ALG9: variants seen among roughly 807,000 people sequenced by gnomAD.
ALG9 encodes ALG9 alpha-1,2-mannosyltransferase.
A neutral mutation model predicts 81.8 loss-of-function variants in ALG9; 55 were observed. The ratio of observed to expected loss-of-function variants is 0.67; its 90% CI spans 0.54 to 0.84. The LOEUF (loss-of-function observed/expected upper bound fraction) is 0.84. Among genes scored for constraint, ALG9 ranks in the 40% least tolerant of loss-of-function variants. The pLI, the probability that ALG9 is intolerant of heterozygous loss-of-function variation, is 0.00. For missense variants in ALG9, 629 were observed against 745.0 expected (o/e 0.84, Z 1.81); for synonymous variants, 278 against 274.3 (o/e 1.01, Z -0.13).
intron 9 of ALG9, among the ~76,000 whole-genome samples, chr11:111,842,945 T>A (rs1198373136): frequency 1.3e-5 from 2 of 151,580 alleles, no homozygotes; most frequent in African/African-American, 4.9e-5. Flanking sequence ...CATAAATAAT[T>A]ATTATTGTTG....
rs187505036 is a variant in ALG9, at chr11:111,816,830, G to C, written c.1603-7057C>G. The stretch of plus-strand genomic sequence containing the variant: ...CCCGCCTTGGCCTCCAAAAGTTCTG[G>C]GTTACAGGCATGAGCAACCACACCC... On this transcript the variant is annotated intron_variant, in intron 13 of 14. Coordinates refer to ENST00000616540, the MANE Select transcript of ALG9 (RefSeq NM_024740.2). Among the ~76,000 whole-genome samples, 946 of 152,230 alleles carry C rather than the reference G, an allele frequency of 6.2e-3. 4 individuals carry two copies. Among genetic ancestry groups the C allele is most frequent in the Non-Finnish European group, 0.01 (701 of 68,016 alleles).
intron 14 of ALG9, among the ~76,000 whole-genome samples, chr11:111,802,788 G>A (rs973119520): frequency 5.3e-4 from 80 of 152,142 alleles, no homozygotes; most frequent in African/African-American, 1.8e-3. Context: ...AGGCTCCAAC[G>A]GATTCTGGAT....
intron 13 of ALG9, among the ~76,000 whole-genome samples, chr11:111,821,666 C>T (rs905652667): frequency 2.0e-5 from 3 of 151,640 alleles, no homozygotes; most frequent in Non-Finnish European, 2.9e-5. Flanking sequence ...GATAGAGTCT[C>T]GCTCTGTTGC....
chr11:111,860,151 TAAAAG>T (rs2137141009), intron 5 of ALG9, among the ~76,000 whole-genome samples: 2 of 152,204 alleles, frequency 1.3e-5, no homozygotes, highest in East Asian at 3.9e-4. Flanking sequence ...TTAAACAAAA[TAAAAG>T]AATTACTTTC....
chr11:111,805,266 C>T (rs1555084014), intron 14 of ALG9: 4 of 456,242 alleles, frequency 8.8e-6, no homozygotes, highest in South Asian at 6.2e-5. Context: ...TGGCCTTTAC[C>T]AGAACTTGAC....
the ALG9 span, among the ~76,000 whole-genome samples, chr11:111,776,394 A>T: frequency 6.6e-6 from 1 of 152,118 alleles, no homozygotes; most frequent in Non-Finnish European, 1.5e-5. Context: ...GTTTGAGACC[A>T]GCCTGGCCAA....
At chr11:111,811,053 C>A (rs1555090914) in intron 13 of ALG9, among the ~76,000 whole-genome samples, 2 of 152,030 alleles carry the variant, frequency 1.3e-5, no homozygotes, top group Non-Finnish European at 2.9e-5. Context: ...TATAATGGTC[C>A]AAAAGACTCT....
intron 14 of ALG9, among the ~76,000 whole-genome samples, chr11:111,804,574 G>A (rs753983163): frequency 1.3e-5 from 2 of 152,128 alleles, no homozygotes; most frequent in Non-Finnish European, 2.9e-5. Flanking sequence ...TTGGGTGACA[G>A]AGCGAGACCC....
At chr11:111,794,376 T>C (rs1947918008) in intron 14 of ALG9, among the ~76,000 whole-genome samples, 1 of 152,196 alleles carries the variant, frequency 6.6e-6, no homozygotes, top group Non-Finnish European at 1.5e-5. Flanking sequence ...CTCGACCTCC[T>C]GGGTTCAAGT....
chr11:111,845,488 C>G (rs1555128760), intron 8 of ALG9: 1 of 152,172 alleles, frequency 6.6e-6, no homozygotes, highest in African/African-American at 2.4e-5. Flanking sequence ...AGATCATGTT[C>G]AGAGGCCCAG....
chr11:111,866,528 G>A (rs1377817472), intron 3 of ALG9, among the ~76,000 whole-genome samples: 4 of 151,984 alleles, frequency 2.6e-5, no homozygotes, highest in Admixed American at 6.6e-5. Flanking sequence ...GACTCTCTAA[G>A]CTACAATTCC....
At chr11:111,839,092 TGAA>T (rs1955797528) in intron 10 of ALG9, among the ~76,000 whole-genome samples, 1 of 152,180 alleles carries the variant, frequency 6.6e-6, no homozygotes, top group Non-Finnish European at 1.5e-5. Context: ...AATATCTAAA[TGAA>T]GATATTTATC....
rs777495761 is a variant in ALG9, at chr11:111,783,158, C to G, written c.*3239G>C. 2 of 152,122 alleles carry G rather than the reference C, an allele frequency of 1.3e-5. No individual in the cohort carries two copies. The allele number at this position is 152,122 out of a possible 1,614,324, so 9.4% of individuals were successfully genotyped here. On this transcript the variant is annotated 3_prime_UTR_variant, in exon 15 of 15. Coordinates refer to ENST00000616540, the MANE Select transcript of ALG9 (RefSeq NM_024740.2). ...CCCTCACTCACCCCATGATCAAAGG[C>G]TATTAAAAATTATCTGGGCCGGGTG...
intron 1 of ALG9, 165 bp downstream of exon 1, chr11:111,871,187 G>A: frequency 1.5e-6 from 2 of 1,300,758 alleles, no homozygotes; most frequent in Admixed American, 4.2e-5. Flanking sequence ...ACTGAATGCT[G>A]ACCCGCCCAG....
intron 6 of ALG9, among the ~76,000 whole-genome samples, chr11:111,856,303 A>C (rs1319770529): frequency 4.0e-5 from 6 of 151,118 alleles, no homozygotes; most frequent in African/African-American, 1.2e-4. Context: ...AAAAGAAAAA[A>C]AAATTGTTCA....
chr11:111,774,715 T>C, the ALG9 span, among the ~76,000 whole-genome samples: 1 of 152,378 alleles, frequency 6.6e-6, no homozygotes, highest in Non-Finnish European at 1.5e-5. Flanking sequence ...TTTTGAATTT[T>C]GAACCATGAA....
chr11:111,829,041 A>G (rs140264583), intron 13 of ALG9: 164 of 152,308 alleles, frequency 1.1e-3, no homozygotes, highest in African/African-American at 3.8e-3. Context: ...CTAAAAGCTA[A>G]AGTAACATGA....
At chr11:111,798,415 C>G (rs782734279) in intron 14 of ALG9, among the ~76,000 whole-genome samples, 15 of 152,058 alleles carry the variant, frequency 9.9e-5, no homozygotes, top group Non-Finnish European at 1.9e-4. Flanking sequence ...AGAGGCATTT[C>G]CCACCAGACT....
Position 111,844,596 on chromosome 11 carries a change from C to T in ALG9, c.1018+5G>A. ...AAAACACCTACCATCTCTTATGCCA[C>T]TCACCATGAAATCTCTGCAGCAGGT... is the stretch of plus-strand genomic sequence containing the variant. On this transcript the variant is annotated splice_donor_5th_base_variant and intron_variant, in intron 9 of 14. Coordinates refer to ENST00000616540, the MANE Select transcript of ALG9 (RefSeq NM_024740.2). 1 of 1,613,954 alleles carries T rather than the reference C, an allele frequency of 6.2e-7. No homozygotes were observed.
Sources: gnomAD v4.1 joint callset for allele counts (sites outside exome capture counted in the v4.1 genomes callset) on GRCh38, gnomAD v4.1.1 for gene constraint, MANE v1.5 for transcripts, NCBI Gene and HGNC (gene_info 2026-07-23, HGNC 2026-07-21) for gene names.